GRIN2A: variants seen among roughly 807,000 people sequenced by gnomAD.
GRIN2A encodes glutamate ionotropic receptor NMDA type subunit 2A, also known as glutamate receptor ionotropic, NMDA 2A.
Under a neutral mutation model 113.4 loss-of-function variants are expected in GRIN2A, and 22 were observed. The ratio of observed to expected loss-of-function variants is 0.19; its 90% CI spans 0.14 to 0.28. The LOEUF (loss-of-function observed/expected upper bound fraction) is 0.28. Ranked by LOEUF, GRIN2A falls within the 10% of genes least tolerant of loss-of-function variation. GRIN2A has a pLI of 1.00. For missense variants in GRIN2A, 1,502 were observed against 1,887.0 expected, an observed-to-expected ratio of 0.80 and a Z score of 3.78; for synonymous variants, 827 against 738.4, an observed-to-expected ratio of 1.12 and a Z score of -1.94.
At chr16:9,891,781 C>A (rs2043699286) in intron 3 of GRIN2A, among the ~76,000 whole-genome samples, 1 of 152,134 alleles carries the variant, frequency 6.6e-6, no homozygotes, top group African/African-American at 2.4e-5. Flanking sequence ...GCAACATGTG[C>A]AAAGACTCTG....
chr16:9,906,462 C>T (rs1328806872), intron 3 of GRIN2A, among the ~76,000 whole-genome samples: 2 of 152,178 alleles, frequency 1.3e-5, no homozygotes. Context: ...CCCCACGAAC[C>T]CTGGAGGGCA....
intron 2 of GRIN2A, among the ~76,000 whole-genome samples, chr16:10,096,960 C>G (rs1596501324): frequency 6.6e-6 from 1 of 152,182 alleles, no homozygotes; most frequent in East Asian, 1.9e-4. Flanking sequence ...GGCTATAGCA[C>G]GGGTGTTAGC....
Position 9,763,134 on chromosome 16 carries a change from A to G in GRIN2A, c.*15T>C, listed in dbSNP as rs751284611. 2 of 1,612,102 alleles carry G rather than the reference A, an allele frequency of 1.2e-6. No individual in the cohort carries two copies. The highest frequency in any genetic ancestry group is 1.7e-6 in the Non-Finnish European group (2 of 1,178,356). On this transcript the variant is annotated 3_prime_UTR_variant, in exon 13 of 13. Coordinates refer to ENST00000330684, the MANE Select transcript of GRIN2A (RefSeq NM_001134407.3). ...ACGTATATTTCCCTATAGATAAAAC[A>G]TTAATGGAAGATTTTTAAACATCAG...
intron 2 of GRIN2A, among the ~76,000 whole-genome samples, chr16:9,958,364 G>T (rs1310290840): frequency 6.6e-6 from 1 of 151,904 alleles, no homozygotes; most frequent in Non-Finnish European, 1.5e-5. Flanking sequence ...ATCTTTCTTG[G>T]CAAACCAGAC....
intron 2 of GRIN2A, among the ~76,000 whole-genome samples, chr16:10,132,152 T>G (rs1357682058): frequency 6.6e-6 from 1 of 151,762 alleles, no homozygotes; most frequent in African/African-American, 2.4e-5. Context: ...GCCAACATAG[T>G]GAAATCCCAT....
chr16:10,110,598 G>A (rs1388594593), intron 2 of GRIN2A, among the ~76,000 whole-genome samples: 1 of 152,212 alleles, frequency 6.6e-6, no homozygotes, highest in African/African-American at 2.4e-5. Context: ...TAAGTCAAGG[G>A]ATATTTCAAA....
chr16:10,030,361 A>G lies in GRIN2A; in HGVS notation c.415-91810T>C, dbSNP rs978750325. On this transcript the variant is annotated intron_variant, in intron 2 of 12. Coordinates refer to ENST00000330684, the MANE Select transcript of GRIN2A (RefSeq NM_001134407.3). The stretch of plus-strand genomic sequence containing the variant: ...ATCATGTTGTGTTTGTATGAATAGC[A>G]TGTGCACAGGTGAGACACTGCCTCC... Among the ~76,000 whole-genome samples the G allele has an allele frequency of 2.6e-5, 4 of 152,118 alleles. No individual in the cohort carries two copies. In the East Asian group the frequency reaches 5.8e-4, roughly 22 times the overall value.
intron 2 of GRIN2A, among the ~76,000 whole-genome samples, chr16:10,132,336 G>A (rs941897720): frequency 3.9e-5 from 2 of 51,152 alleles, no homozygotes; most frequent in Non-Finnish European, 9.2e-5. Context: ...ACAAGACACC[G>A]TCTCAAAAAA....
At chr16:9,909,313 A>C (rs933114644) in intron 3 of GRIN2A, among the ~76,000 whole-genome samples, 1 of 152,196 alleles carries the variant, frequency 6.6e-6, no homozygotes, top group Non-Finnish European at 1.5e-5. Context: ...ATTCAAGATG[A>C]GATATGGGTG....
chr16:10,098,933 TCCCC>T lies in GRIN2A; in HGVS notation c.414+81061_414+81064del, dbSNP rs375862078. ...GTAACCAAATACCTACTGTCCCCCC[TCCCC>T]CCCCCAAAAAAAACCTATGGAAATT... On this transcript the variant is annotated intron_variant, in intron 2 of 12. Coordinates refer to ENST00000330684, the MANE Select transcript of GRIN2A (RefSeq NM_001134407.3). Among the ~76,000 whole-genome samples the T allele has an allele frequency of 1.3e-3, 143 of 106,226 alleles. 1 individual carries two copies. The highest frequency in any genetic ancestry group is 2.0e-3 in the Non-Finnish European group (110 of 53,740). The allele number at this position is 106,226 out of a possible 152,430, so 69.7% of individuals were successfully genotyped here.
chr16:9,921,271 A>G (rs1567176797), intron 3 of GRIN2A, among the ~76,000 whole-genome samples: 1 of 152,320 alleles, frequency 6.6e-6, no homozygotes, highest in South Asian at 2.1e-4. Context: ...TCACACTTTC[A>G]TGATGAATTA....
chr16:9,845,788 A>G (rs1842220375), intron 5 of GRIN2A, among the ~76,000 whole-genome samples: 1 of 151,866 alleles, frequency 6.6e-6, no homozygotes, highest in Admixed American at 6.6e-5. Context: ...AACCCCACAT[A>G]CCCCGATGTA....
intron 4 of GRIN2A, among the ~76,000 whole-genome samples, chr16:9,884,466 T>G (rs2043549996): frequency 6.6e-6 from 1 of 152,036 alleles, no homozygotes; most frequent in South Asian, 2.1e-4. Flanking sequence ...GGAGAATTGC[T>G]TGAACCTGGG....
intron 3 of GRIN2A, among the ~76,000 whole-genome samples, chr16:9,909,525 T>C (rs943961244): frequency 6.6e-5 from 10 of 152,240 alleles, no homozygotes; most frequent in Non-Finnish European, 1.0e-4. Flanking sequence ...TTTTCCATTT[T>C]ATTTTACTTA....
intron 2 of GRIN2A, among the ~76,000 whole-genome samples, chr16:10,032,661 C>T (rs1005296235): frequency 6.6e-6 from 1 of 152,168 alleles, no homozygotes; most frequent in African/African-American, 2.4e-5. Context: ...CCAGTAGGCA[C>T]ACCCCTAGAA....
intron 2 of GRIN2A, among the ~76,000 whole-genome samples, chr16:9,963,329 T>C (rs1214516218): frequency 6.6e-6 from 1 of 152,070 alleles, no homozygotes; most frequent in Non-Finnish European, 1.5e-5. Flanking sequence ...GTTTGTTACA[T>C]AGGTATACAC....
chr16:10,071,175 T>C (rs1190946391), intron 2 of GRIN2A, among the ~76,000 whole-genome samples: 2 of 152,334 alleles, frequency 1.3e-5, no homozygotes, highest in East Asian at 3.9e-4. Context: ...TTGAATACTG[T>C]TGCATGGAAA....
At chr16:9,980,370 C>T (rs529555754) in intron 2 of GRIN2A, among the ~76,000 whole-genome samples, 1 of 152,054 alleles carries the variant, frequency 6.6e-6, no homozygotes, top group Non-Finnish European at 1.5e-5. Flanking sequence ...GAAATAGGAA[C>T]ACTTTTACAC....
chr16:9,807,912 A>C (rs2042013956), intron 10 of GRIN2A, among the ~76,000 whole-genome samples: 1 of 152,226 alleles, frequency 6.6e-6, no homozygotes, highest in Non-Finnish European at 1.5e-5. Flanking sequence ...TGGTTGAATG[A>C]AGTCCCAGCC....
Sources: allele counts gnomAD v4.1 joint callset (sites outside exome capture counted in the v4.1 genomes callset), GRCh38; gene constraint gnomAD v4.1.1; transcripts MANE v1.5; gene names NCBI Gene and HGNC (gene_info 2026-07-23, HGNC 2026-07-21).